Variants in CACNB4 observed in about 807,000 individuals in gnomAD.
The protein encoded by CACNB4 is calcium voltage-gated channel auxiliary subunit beta 4.
CACNB4 carries 32 observed loss-of-function variants against 71.2 expected under a neutral mutation model. That is an observed-to-expected ratio of 0.45 (90% CI 0.34 to 0.60). CACNB4 has a LOEUF of 0.60. Among genes scored for constraint, CACNB4 ranks in the 20% least tolerant of loss-of-function variants. The pLI is 0.01. For missense variants in CACNB4, 464 were observed against 647.9 expected (o/e 0.72, Z 3.08); for synonymous variants, 231 against 236.9 (o/e 0.97, Z 0.23).
chr2:152,031,309 T>G (rs1684269961), intron 2 of CACNB4, among the ~76,000 whole-genome samples: 1 of 152,186 alleles, frequency 6.6e-6, no homozygotes, highest in African/African-American at 2.4e-5. Context: ...TGATGATGAC[T>G]TAATGACCGA....
rs186879805 is a variant in CACNB4 at position 152,076,960 on chromosome 2, G to T, written c.147+21370C>A. Among the ~76,000 whole-genome samples, 4 of 152,344 alleles carry T rather than the reference G, an allele frequency of 2.6e-5. No homozygotes were observed. In the East Asian group the frequency reaches 5.8e-4, roughly 22 times the overall value. The stretch of plus-strand genomic sequence containing the variant: ...AATGTGACAGAGAGTAAGCAGGGAG[G>T]GGGGCTGGCCGCCATGGACTGAGCA... On this transcript the variant is annotated intron_variant, in intron 2 of 13. Coordinates refer to ENST00000539935, the MANE Select transcript of CACNB4 (RefSeq NM_000726.5).
intron 12 of CACNB4, among the ~76,000 whole-genome samples, chr2:151,846,880 C>G (rs144602814): frequency 3.0e-4 from 46 of 152,130 alleles, no homozygotes; most frequent in African/African-American, 9.9e-4. Context: ...TGGCTCATTA[C>G]TGAATATTAG....
chr2:151,998,035 G>T (rs1682163059), intron 2 of CACNB4, among the ~76,000 whole-genome samples: 1 of 152,096 alleles, frequency 6.6e-6, no homozygotes, highest in South Asian at 2.1e-4. Flanking sequence ...TCAAAAAGTT[G>T]AAATAGGCTG....
chr2:152,060,180 C>G (rs1178352809), intron 2 of CACNB4, among the ~76,000 whole-genome samples: 1 of 152,180 alleles, frequency 6.6e-6, no homozygotes, highest in East Asian at 1.9e-4. Flanking sequence ...GCTTACACAT[C>G]TATCTCCCAC....
intron 2 of CACNB4, among the ~76,000 whole-genome samples, chr2:151,988,820 A>C (rs13011110): frequency 0.45 from 68,395 of 152,076 alleles, 19,450 homozygotes; most frequent in Non-Finnish European, 0.63. Context: ...CACTTTGGGC[A>C]TTAAGATTTC....
chr2:151,875,937 T>C (rs1263191350), intron 5 of CACNB4, among the ~76,000 whole-genome samples: 1 of 9,634 alleles, frequency 1.0e-4, no homozygotes, highest in Admixed American at 1.5e-3. Context: ...GAGGCACCCC[T>C]CACCTCCCGG....
chr2:151,865,668 G>C (rs183653233), intron 9 of CACNB4: 1 of 152,288 alleles, frequency 6.6e-6, no homozygotes, highest in East Asian at 1.9e-4. Flanking sequence ...CATGCCCATT[G>C]TGTATCCACT....
Position 151,988,702 on chromosome 2 carries a change from G to C in CACNB4, c.148-105332C>G, listed in dbSNP as rs546340687. Among the ~76,000 whole-genome samples, 73 of 152,266 alleles carry C rather than the reference G, an allele frequency of 4.8e-4. 1 individual carries two copies. The highest frequency in any genetic ancestry group is 1.7e-3 in the African/African-American group (70 of 41,572). ...CTGCCATATCCTTGAGTGGTAGAGA[G>C]AGGAGGCTCTGGTTTCTCCTCTTCT... On this transcript the variant is annotated intron_variant, in intron 2 of 13. Transcript: ENST00000539935.
intron 2 of CACNB4, among the ~76,000 whole-genome samples, chr2:151,892,681 T>C (rs1333214803): frequency 6.6e-6 from 1 of 152,228 alleles, no homozygotes; most frequent in Admixed American, 6.5e-5. Flanking sequence ...GCATCTACAC[T>C]TCATTTCAGG....
chr2:151,860,351 T>C (rs1053424673), intron 10 of CACNB4: 1 of 263,940 alleles, frequency 3.8e-6, no homozygotes, highest in South Asian at 5.1e-5. Flanking sequence ...GCTGAACACC[T>C]CGTTTCCTTT....
rs568698390 is a variant in CACNB4, at chr2:152,068,019, T to C, written c.147+30311A>G. On this transcript the variant is annotated intron_variant, in intron 2 of 13. Transcript: ENST00000539935. ...CCTTGACAGTGTTTAGGTTGACTCATTGCCTGCAGCCATGGGGCTGAAAAT... is the reference window on the plus strand; with the variant it reads ...CCTTGACAGTGTTTAGGTTGACTCACTGCCTGCAGCCATGGGGCTGAAAAT... 5.9e-5 allele frequency among the ~76,000 whole-genome samples: 9 copies of C among 152,328 alleles called. No homozygotes were observed. The East Asian group carries it at 9.6e-4, about 16-fold the overall frequency.
intron 2 of CACNB4, among the ~76,000 whole-genome samples, chr2:152,011,606 C>T: frequency 6.6e-6 from 1 of 152,172 alleles, no homozygotes; most frequent in East Asian, 1.9e-4. Flanking sequence ...CTAAGTTCCC[C>T]CTAATAAATG....
chr2:151,972,622 A>T (rs1376977635), intron 2 of CACNB4: 1 of 152,208 alleles, frequency 6.6e-6, no homozygotes, highest in South Asian at 2.1e-4. Context: ...AACAGAACTG[A>T]GGATTTCTAT....
At chr2:152,062,013 AAATAATAAT>A (rs10664776) in intron 2 of CACNB4, among the ~76,000 whole-genome samples, 43 of 141,182 alleles carry the variant, frequency 3.0e-4, no homozygotes, top group African/African-American at 6.5e-4. Context: ...TTCCATCTCA[AAATAATAAT>A]AATAATAATA....
intron 2 of CACNB4, among the ~76,000 whole-genome samples, chr2:151,981,089 A>G (rs2099874645): frequency 6.6e-6 from 1 of 151,938 alleles, no homozygotes; most frequent in Admixed American, 6.6e-5. Context: ...AACCCCTCAG[A>G]CATTAGCCAG....
chr2:152,098,270 G>C lies in CACNB4; in HGVS notation c.147+60C>G. 1.4e-6 allele frequency: 2 copies of C among 1,382,862 alleles called. No homozygotes were observed. The highest frequency in any genetic ancestry group is 1.2e-5 in the South Asian group (1 of 86,318). 85.7% of individuals were successfully genotyped at this position (1,382,862 alleles called of 1,614,324 possible). A position where few individuals can be genotyped will look rare whatever the true frequency, so the allele number is the denominator to read the frequency against. On this transcript the variant is annotated intron_variant, in intron 2 of 13. Coordinates refer to ENST00000539935, the MANE Select transcript of CACNB4 (RefSeq NM_000726.5). The surrounding 1 kb of genome is among the most constrained non-coding windows in gnomAD (Gnocchi z 5.3). ...ACGTGTGGGCCACGGCCGGCTCCAG[G>C]ACCCCCGCGCCGCGCGCTCGGCCTC...
At chr2:152,068,409 C>G (rs1489487897) in intron 2 of CACNB4, among the ~76,000 whole-genome samples, 1 of 152,166 alleles carries the variant, frequency 6.6e-6, no homozygotes, top group South Asian at 2.1e-4. Flanking sequence ...CCCGGCACAG[C>G]CCAAGCAGGG....
intron 2 of CACNB4, among the ~76,000 whole-genome samples, chr2:152,042,945 C>T (rs920518400): frequency 6.6e-6 from 1 of 152,136 alleles, no homozygotes; most frequent in Non-Finnish European, 1.5e-5. Context: ...GACCTCTGCT[C>T]GGTCTCACAG....
chr2:151,880,939 G>T lies in CACNB4; in HGVS notation c.268-17C>A. ...AGGTTTGGACTAGGGACAGAACCAT[G>T]GAATAAGGAATGAGGAAGGGAGGAG... On this transcript the variant is annotated splice_polypyrimidine_tract_variant and intron_variant, in intron 3 of 13. Coordinates refer to ENST00000539935, the MANE Select transcript of CACNB4 (RefSeq NM_000726.5). 1 of 1,586,700 alleles carries T rather than the reference G, an allele frequency of 6.3e-7. No individual in the cohort carries two copies. The highest frequency in any genetic ancestry group is 1.4e-5 in the African/African-American group (1 of 73,920).
Sources: gnomAD v4.1 joint callset for allele counts (sites outside exome capture counted in the v4.1 genomes callset) on GRCh38, gnomAD v4.1.1 for gene constraint, Gnocchi (gnomAD v3.1) non-coding constraint, MANE v1.5 for transcripts, NCBI Gene and HGNC (gene_info 2026-07-23, HGNC 2026-07-21) for gene names.